BRF1: variants seen among roughly 807,000 people sequenced by gnomAD.
The protein encoded by BRF1 is BRF1 general transcription factor IIIB subunit.
In BRF1, 59 loss-of-function variants were observed where a neutral mutation model predicts 81.7. That is an observed-to-expected ratio of 0.72 (90% CI 0.59 to 0.90). The LOEUF is 0.90. Ranked by LOEUF, BRF1 falls within the 40% of genes least tolerant of loss-of-function variation. The pLI is 0.00. For synonymous variants in BRF1, 491 were observed against 395.6 expected, an observed-to-expected ratio of 1.24 and a Z score of -2.86; for missense variants, 1,050 against 936.3, an observed-to-expected ratio of 1.12 and a Z score of -1.58.
At chr14:105,246,605 G>A (rs981848705) in intron 5 of BRF1, among the ~76,000 whole-genome samples, 1 of 151,900 alleles carries the variant, frequency 6.6e-6, no homozygotes, top group Non-Finnish European at 1.5e-5. Flanking sequence ...GAATAGCTGG[G>A]ATTACAGGTG....
At chr14:105,246,029 G>A (rs587601699) in intron 5 of BRF1, among the ~76,000 whole-genome samples, 1 of 152,262 alleles carries the variant, frequency 6.6e-6, no homozygotes, top group African/African-American at 2.4e-5. Context: ...CTCATAAGGG[G>A]TTAACAGCCT....
At position 105,284,607 on chromosome 14, in the gene BRF1, G is replaced by A. The variant is rs587665116; in HGVS notation, c.265+1689C>T. 2.3e-4 allele frequency among the ~76,000 whole-genome samples: 35 copies of A among 152,314 alleles called. No homozygotes were observed. The highest frequency in any genetic ancestry group is 4.6e-4 in the Non-Finnish European group (31 of 68,028). ...TGCACCGATCACAAGAATCCCTCAC[G>A]TGGTCCTCAGGTTCCTGAGAGTGTA... On this transcript the variant is annotated intron_variant, in intron 2 of 17. Transcript: ENST00000547530. This position sits in a 1 kb window ranked among gnomAD's most constrained non-coding sequence, Gnocchi z 4.0.
intron 12 of BRF1, chr14:105,219,666 T>G: frequency 2.6e-6 from 1 of 389,480 alleles, no homozygotes; most frequent in Non-Finnish European, 4.7e-6. Flanking sequence ...TATATTGAGA[T>G]AAACTGCAAA....
chr14:105,213,820 A>C (rs1890566785), intron 15 of BRF1, among the ~76,000 whole-genome samples: 1 of 152,138 alleles, frequency 6.6e-6, no homozygotes, highest in African/African-American at 2.4e-5. Context: ...CGTAGTGTTC[A>C]TGAGTGCAGA....
At chr14:105,249,815 C>A (rs1566835267) in intron 5 of BRF1, 1 of 1,613,596 alleles carries the variant, frequency 6.2e-7, no homozygotes, top group Non-Finnish European at 8.5e-7. Context: ...GTTTGAGGAG[C>A]CCGAGCTGAC....
rs913450532 is a variant in BRF1, at chr14:105,210,123, C to T, written c.*428G>A. ...GCGCCGAGTGCTGCTCAGGAGGGGACGGTGCGGAGGGTGGGCTGGAGACTC... is the reference window on the plus strand; with the variant it reads ...GCGCCGAGTGCTGCTCAGGAGGGGATGGTGCGGAGGGTGGGCTGGAGACTC... On this transcript the variant is annotated 3_prime_UTR_variant, in exon 18 of 18. Coordinates refer to ENST00000547530, the MANE Select transcript of BRF1 (RefSeq NM_001519.4). The surrounding 1 kb of genome is among the most constrained non-coding windows in gnomAD (Gnocchi z 4.7). The T allele has an allele frequency of 3.4e-5, 8 of 232,250 alleles. No homozygotes were observed. Among genetic ancestry groups the T allele is most frequent in the South Asian group, 7.3e-5 (1 of 13,644 alleles). 14.4% of individuals were successfully genotyped at this position (232,250 alleles called of 1,614,324 possible). A position where few individuals can be genotyped will look rare whatever the true frequency, so the allele number is the denominator to read the frequency against.
intron 3 of BRF1, among the ~76,000 whole-genome samples, chr14:105,257,441 C>A (rs587594333): frequency 3.9e-5 from 6 of 152,318 alleles, no homozygotes; most frequent in African/African-American, 1.4e-4. Context: ...GCTGGAGGCC[C>A]CTGACCTCTC....
At chr14:105,219,814 G>T in intron 12 of BRF1, 1 of 565,560 alleles carries the variant, frequency 1.8e-6, no homozygotes, top group Non-Finnish European at 3.2e-6. Context: ...CCTGCTGCAG[G>T]CTATGTGCCG....
chr14:105,244,529 G>A (rs2735826), intron 5 of BRF1, among the ~76,000 whole-genome samples: 33,877 of 151,820 alleles, frequency 0.22, 4,149 homozygotes, highest in Middle Eastern at 0.27. Flanking sequence ...GGTGGGCAGC[G>A]GCGGCACGGT....
intron 3 of BRF1, among the ~76,000 whole-genome samples, chr14:105,263,465 G>C (rs2056254841): frequency 6.6e-6 from 1 of 152,210 alleles, no homozygotes; most frequent in Admixed American, 6.5e-5. Context: ...GCCAAGCCCA[G>C]AAGTCAGCTC....
In BRF1 at chr14:105,209,778, G is replaced by A; in HGVS notation, c.*773C>T. Reference sequence around the variant, plus strand: ...GCCTACAGAGCTATGCTCAGGACGGGTGGGCGCCGGTCTCAGCTGTCGGGC... The same window carrying A: ...GCCTACAGAGCTATGCTCAGGACGGATGGGCGCCGGTCTCAGCTGTCGGGC... On this transcript the variant is annotated 3_prime_UTR_variant, in exon 18 of 18. Transcript: ENST00000547530. 1 of 542,872 alleles carries A rather than the reference G, an allele frequency of 1.8e-6. No homozygotes were observed. The highest frequency in any genetic ancestry group is 3.2e-6 in the Non-Finnish European group (1 of 307,734). 33.6% of individuals were successfully genotyped at this position (542,872 alleles called of 1,614,324 possible). A position where few individuals can be genotyped will look rare whatever the true frequency, so the allele number is the denominator to read the frequency against.
intron 5 of BRF1, among the ~76,000 whole-genome samples, chr14:105,244,274 T>C (rs1404072275): frequency 6.6e-6 from 1 of 151,594 alleles, no homozygotes; most frequent in Non-Finnish European, 1.5e-5. Context: ...GAGACCCCCA[T>C]CTTTACAAAA....
intron 6 of BRF1, among the ~76,000 whole-genome samples, 183 bp from the exon 7 acceptor site, chr14:105,229,096 T>C (rs770931340): frequency 7.9e-5 from 12 of 152,200 alleles, no homozygotes; most frequent in Non-Finnish European, 1.8e-4. Flanking sequence ...CCTCTCTATC[T>C]TATTGTGGGT....
intron 10 of BRF1, among the ~76,000 whole-genome samples, chr14:105,224,085 A>G (rs2141525880): frequency 6.6e-6 from 1 of 152,322 alleles, no homozygotes; most frequent in East Asian, 1.9e-4. Flanking sequence ...TTAAAAATCC[A>G]TCTGTAGCTG....
intron 16 of BRF1, chr14:105,211,725 T>A: frequency 2.8e-6 from 1 of 351,448 alleles, no homozygotes; most frequent in Non-Finnish European, 5.3e-6. Context: ...CCTCGTTTCC[T>A]GGGCCAGACC....
intron 1 of BRF1, among the ~76,000 whole-genome samples, chr14:105,286,917 T>C (rs1412656815): frequency 6.6e-6 from 1 of 152,006 alleles, no homozygotes; most frequent in Non-Finnish European, 1.5e-5. Flanking sequence ...GGGCTGGCCG[T>C]CCCCCTTGCC....
At chr14:105,213,925 C>T (rs1231473246) in intron 15 of BRF1, among the ~76,000 whole-genome samples, 1 of 152,228 alleles carries the variant, frequency 6.6e-6, no homozygotes, top group Non-Finnish European at 1.5e-5. Flanking sequence ...CCTGAGGCAG[C>T]CAGGCCACAC....
intron 6 of BRF1, 109 bp downstream of exon 6, chr14:105,241,156 T>A: frequency 6.6e-7 from 1 of 1,511,636 alleles, no homozygotes; most frequent in Non-Finnish European, 8.9e-7. Flanking sequence ...TGGAGGCAGC[T>A]CTCAGTGCTC....
At chr14:105,265,289 C>T (rs1162928366) in intron 3 of BRF1, among the ~76,000 whole-genome samples, 4 of 152,040 alleles carry the variant, frequency 2.6e-5, no homozygotes, top group Non-Finnish European at 5.9e-5. Context: ...AAGTGATCCA[C>T]CCACCTCAGC....
Sources: allele counts gnomAD v4.1 joint callset (sites outside exome capture counted in the v4.1 genomes callset), GRCh38; gene constraint gnomAD v4.1.1; non-coding constraint Gnocchi (gnomAD v3.1); transcripts MANE v1.5; gene names NCBI Gene and HGNC (gene_info 2026-07-23, HGNC 2026-07-21).